TRMT11: variants seen among roughly 807,000 people sequenced by gnomAD.
TRMT11 encodes tRNA methyltransferase 11.
A neutral mutation model predicts 62.8 loss-of-function variants in TRMT11; 53 were observed. That is an observed-to-expected ratio of 0.84 (90% CI 0.68 to 1.06). TRMT11 has a LOEUF of 1.06. Among genes scored for constraint, TRMT11 ranks in the 50% least tolerant of loss-of-function variants. The pLI is 0.00. For synonymous variants in TRMT11, 188 were observed against 190.3 expected, an observed-to-expected ratio of 0.99 and a Z score of 0.10; for missense variants, 556 against 553.4, an observed-to-expected ratio of 1.00 and a Z score of -0.05.
chr6:126,066,995 C>T (rs1321938222), intron 17 of TRMT11, among the ~76,000 whole-genome samples: 1 of 151,706 alleles, frequency 6.6e-6, no homozygotes, highest in Non-Finnish European at 1.5e-5. Flanking sequence ...TAGGCCAAGC[C>T]GAGGCAGGCG....
intron 21 of TRMT11, among the ~76,000 whole-genome samples, chr6:126,145,851 T>C (rs984610037): frequency 4.6e-5 from 7 of 152,222 alleles, no homozygotes; most frequent in African/African-American, 1.7e-4. Context: ...TGTTTTATAT[T>C]ATCATTTTGC....
intron 21 of TRMT11, among the ~76,000 whole-genome samples, chr6:126,134,075 T>C (rs1435856771): frequency 6.6e-6 from 1 of 151,856 alleles, no homozygotes; most frequent in African/African-American, 2.4e-5. Context: ...TTATATTTCA[T>C]AGTAAAATAT....
At chr6:126,207,506 T>C (rs1778801629), downstream of TRMT11, among the ~76,000 whole-genome samples, 1 of 152,202 alleles carries the variant, frequency 6.6e-6, no homozygotes. Context: ...ATATTTGAGT[T>C]TCCCAGCTCT....
downstream of TRMT11, among the ~76,000 whole-genome samples, chr6:126,204,892 A>C (rs1778774907): frequency 6.6e-6 from 1 of 152,328 alleles, no homozygotes; most frequent in African/African-American, 2.4e-5. Context: ...TTTTGATAGA[A>C]TCTTTATGAT....
chr6:126,143,682 T>G (rs1286103606), intron 21 of TRMT11, among the ~76,000 whole-genome samples: 1 of 152,138 alleles, frequency 6.6e-6, no homozygotes, highest in Non-Finnish European at 1.5e-5. Context: ...AAAAATTAAA[T>G]TAGATCTATA....
chr6:126,264,930 C>T, the TRMT11 span, among the ~76,000 whole-genome samples: 18 of 152,262 alleles, frequency 1.2e-4, no homozygotes, highest in African/African-American at 3.8e-4. Flanking sequence ...CCTATTGGCT[C>T]ATGTTCCTCT....
At chr6:126,098,657 C>A (rs73773355) in intron 17 of TRMT11, among the ~76,000 whole-genome samples, 4 of 152,096 alleles carry the variant, frequency 2.6e-5, no homozygotes, top group South Asian at 2.1e-4. Flanking sequence ...ATGAGATTGG[C>A]GGGGGATGAG....
intron 21 of TRMT11, among the ~76,000 whole-genome samples, chr6:126,119,864 G>A (rs192538365): frequency 1.8e-4 from 27 of 152,188 alleles, no homozygotes; most frequent in East Asian, 1.9e-4. Flanking sequence ...CAATGAACAC[G>A]TTTCAACCCA....
At chr6:126,022,186 G>A (rs1286461023) in intron 12 of TRMT11, among the ~76,000 whole-genome samples, 1 of 150,286 alleles carries the variant, frequency 6.7e-6, no homozygotes, top group African/African-American at 2.4e-5. Flanking sequence ...TGGGATTACA[G>A]GTGCCTGCCA....
chr6:126,187,545 ACTCAAT>A (rs1208590179), intron 1 of TRMT11, among the ~76,000 whole-genome samples: 26 of 152,124 alleles, frequency 1.7e-4, no homozygotes, highest in African/African-American at 6.3e-4. Flanking sequence ...TATATGTTCA[ACTCAAT>A]CTCAATCATA....
At chr6:126,238,516 C>A in the TRMT11 span, among the ~76,000 whole-genome samples, 4 of 151,690 alleles carry the variant, frequency 2.6e-5, no homozygotes, top group African/African-American at 9.7e-5. Context: ...TGTAGTTGAG[C>A]GGTTTTGAGT....
At chr6:126,165,630 A>G (rs1300288337) in intron 21 of TRMT11, among the ~76,000 whole-genome samples, 1 of 152,208 alleles carries the variant, frequency 6.6e-6, no homozygotes, top group African/African-American at 2.4e-5. Context: ...TCTGGCTTCT[A>G]GGGTTTCTGC....
chr6:126,104,371 G>A (rs1362799709), intron 17 of TRMT11, among the ~76,000 whole-genome samples: 1 of 152,196 alleles, frequency 6.6e-6, no homozygotes. Flanking sequence ...AAACTGGAAA[G>A]TCCAGGTAGT....
chr6:126,053,179 T>C (rs757346235), exon 17 of TRMT11, among the ~76,000 whole-genome samples: 6 of 152,128 alleles, frequency 3.9e-5, no homozygotes, highest in Non-Finnish European at 7.4e-5. Context: ...GGCGGTGGTA[T>C]GAAACAAAGA....
intron 17 of TRMT11, among the ~76,000 whole-genome samples, chr6:126,093,604 TATATATATATATA>T (rs1248769971): frequency 3.4e-5 from 3 of 87,380 alleles, no homozygotes; most frequent in East Asian, 2.7e-4. Flanking sequence ...TATATATATA[TATATATATATATA>T]TATATATATA....
chr6:126,055,549 TTAAAAA>T (rs112077179), intron 17 of TRMT11, among the ~76,000 whole-genome samples: 77 of 152,320 alleles, frequency 5.1e-4, no homozygotes, highest in East Asian at 1.5e-3. Context: ...ACTCTGGCAC[TTAAAAA>T]TAAAAAATAA....
chr6:126,019,364 A>G (rs1795473453), intron 11 of TRMT11, among the ~76,000 whole-genome samples: 1 of 152,218 alleles, frequency 6.6e-6, no homozygotes. Flanking sequence ...GCAGCAACTT[A>G]GTTTAGCAGT....
intron 3 of TRMT11, among the ~76,000 whole-genome samples, chr6:125,996,792 A>G (rs138379784): frequency 3.7e-4 from 56 of 152,346 alleles, no homozygotes; most frequent in African/African-American, 1.3e-3. Flanking sequence ...AAGAATTTAC[A>G]TATATCTAGT....
At chr6:126,159,130 C>T (rs1010171256) in intron 21 of TRMT11, among the ~76,000 whole-genome samples, 21 of 152,064 alleles carry the variant, frequency 1.4e-4, no homozygotes, top group Non-Finnish European at 2.1e-4. Context: ...ACTTCTCAAC[C>T]TCTCTTGCAA....
Sources: gnomAD v4.1 joint callset for allele counts (sites outside exome capture counted in the v4.1 genomes callset) on GRCh38, gnomAD v4.1.1 for gene constraint, MANE v1.5 for transcripts, NCBI Gene and HGNC (gene_info 2026-07-23, HGNC 2026-07-21) for gene names.